Variants in EFCAB11 observed in about 807,000 individuals in gnomAD.
EFCAB11 encodes EF-hand calcium-binding domain-containing protein 11.
Under a neutral mutation model 23.0 loss-of-function variants are expected in EFCAB11, and 14 were observed. The ratio of observed to expected loss-of-function variants is 0.61; its 90% CI spans 0.40 to 0.95. The LOEUF (loss-of-function observed/expected upper bound fraction) is 0.95. Ranked by LOEUF, EFCAB11 falls within the 40% of genes least tolerant of loss-of-function variation. The pLI is 0.00. For synonymous variants in EFCAB11, 65 were observed against 66.6 expected (o/e 0.98, Z 0.11); for missense variants, 198 against 195.8 (o/e 1.01, Z -0.07).
At chr14:89,917,843 GC>G (rs1245931177) in intron 5 of EFCAB11, among the ~76,000 whole-genome samples, 4 of 152,236 alleles carry the variant, frequency 2.6e-5, no homozygotes, top group Non-Finnish European at 5.9e-5. Context: ...GGATAGAAAT[GC>G]CGTTGATGTG....
At chr14:89,945,173 G>A (rs1890936150) in intron 3 of EFCAB11, among the ~76,000 whole-genome samples, 1 of 151,726 alleles carries the variant, frequency 6.6e-6, no homozygotes, top group African/African-American at 2.4e-5. Flanking sequence ...AACAAAATCA[G>A]CTTTTAATTT....
intron 5 of EFCAB11, among the ~76,000 whole-genome samples, chr14:89,822,601 G>A (rs1034353858): frequency 7.9e-5 from 12 of 152,130 alleles, no homozygotes; most frequent in African/African-American, 7.2e-5. Context: ...AATTGGCCTC[G>A]GTGTCATTTG....
chr14:89,947,488 A>C (rs1048172395), intron 3 of EFCAB11, among the ~76,000 whole-genome samples: 1 of 152,134 alleles, frequency 6.6e-6, no homozygotes, highest in Non-Finnish European at 1.5e-5. Context: ...CTTCATCATC[A>C]CTTTCCACTT....
chr14:89,932,787 C>T (rs1452348938), intron 3 of EFCAB11, among the ~76,000 whole-genome samples, 160 bp from the exon 4 acceptor site: 1 of 151,978 alleles, frequency 6.6e-6, no homozygotes, highest in East Asian at 1.9e-4. Context: ...TCCTGAAGAC[C>T]GAAAAAGGCA....
At chr14:89,865,932 T>G (rs1223276600) in intron 5 of EFCAB11, among the ~76,000 whole-genome samples, 1 of 151,920 alleles carries the variant, frequency 6.6e-6, no homozygotes, top group Non-Finnish European at 1.5e-5. Flanking sequence ...CCTCCCAAAG[T>G]GTTGGGATTA....
In EFCAB11 at chr14:89,931,580, G is replaced by T; in HGVS notation, c.371C>A (p.Ala124Asp). The change falls in exon 5 of 6, where the codon GCT becomes GAT. Residue 124 changes from alanine (A) to aspartate (D), a missense_variant. Transcript: ENST00000316738. ...EDFKKAFRQVAPKLPERTVLE... is the reference protein window; with the variant it reads ...EDFKKAFRQVDPKLPERTVLE... Reference sequence around the variant, plus strand: ...AACAGTCCTTTCCGGTAATTTGGGAGCCACCTGCCTAAATGCTTTTTTGAA... The same window carrying T: ...AACAGTCCTTTCCGGTAATTTGGGATCCACCTGCCTAAATGCTTTTTTGAA... The T allele has an allele frequency of 6.2e-7, 1 of 1,614,146 alleles. No individual in the cohort carries two copies. Among genetic ancestry groups the T allele is most frequent in the Non-Finnish European group, 8.5e-7 (1 of 1,180,010 alleles).
chr14:89,892,149 A>G (rs1252022086), intron 5 of EFCAB11: 1 of 1,563,476 alleles, frequency 6.4e-7, no homozygotes, highest in Non-Finnish European at 8.7e-7. Context: ...GGCCCGGACA[A>G]GGTCATCTTC....
intron 5 of EFCAB11, among the ~76,000 whole-genome samples, chr14:89,896,011 A>G (rs59400628): frequency 0.12 from 18,988 of 152,236 alleles, 1,382 homozygotes; most frequent in South Asian, 0.24. Flanking sequence ...TGAAGAGATA[A>G]GAGAGAGAAC....
intron 5 of EFCAB11, among the ~76,000 whole-genome samples, chr14:89,885,141 C>T (rs551524529): frequency 4.3e-4 from 65 of 152,208 alleles, no homozygotes; most frequent in African/African-American, 1.5e-3. Flanking sequence ...AATTGTATAT[C>T]TAAATAAGTA....
At chr14:89,866,914 G>A (rs994448042) in intron 5 of EFCAB11, among the ~76,000 whole-genome samples, 4 of 152,144 alleles carry the variant, frequency 2.6e-5, no homozygotes, top group Non-Finnish European at 4.4e-5. Flanking sequence ...GGGATTACAG[G>A]TGCCTGCCAC....
chr14:89,814,440 C>T (rs1886259051), intron 5 of EFCAB11, among the ~76,000 whole-genome samples: 1 of 152,174 alleles, frequency 6.6e-6, no homozygotes, highest in East Asian at 1.9e-4. Context: ...AGCAGTGGCT[C>T]ATGCCTGTAA....
At chr14:89,826,175 T>C (rs994278058) in intron 5 of EFCAB11, among the ~76,000 whole-genome samples, 38 of 152,160 alleles carry the variant, frequency 2.5e-4, no homozygotes, top group African/African-American at 9.2e-4. Flanking sequence ...GTTATAATTA[T>C]GAAATGTATC....
intron 5 of EFCAB11, among the ~76,000 whole-genome samples, chr14:89,918,216 A>G (rs531231168): frequency 6.6e-6 from 1 of 152,292 alleles, no homozygotes; most frequent in South Asian, 2.1e-4. Context: ...ATTAGGAAAA[A>G]AAGAAGAGAC....
chr14:89,885,302 C>T lies in EFCAB11; in HGVS notation c.410+46239G>A, dbSNP rs1202005934. On this transcript the variant is annotated intron_variant, in intron 5 of 5. Transcript: ENST00000316738. ...TAAAAACAAAAGGATATACTTTATT[C>T]ATGCACTGGAAGACTTAAAACATTT... 2.6e-5 allele frequency among the ~76,000 whole-genome samples: 4 copies of T among 152,114 alleles called. 1 individual carries two copies. The highest frequency in any genetic ancestry group is 1.9e-4 in the East Asian group (1 of 5,188).
chr14:89,912,650 C>T (rs1444331428), intron 5 of EFCAB11, among the ~76,000 whole-genome samples: 5 of 151,218 alleles, frequency 3.3e-5, no homozygotes, highest in Non-Finnish European at 7.4e-5. Flanking sequence ...TAAATTCTCC[C>T]TGTTTTTGTC....
At chr14:89,886,300 G>A (rs1334511039) in intron 5 of EFCAB11, among the ~76,000 whole-genome samples, 4 of 151,880 alleles carry the variant, frequency 2.6e-5, no homozygotes, top group African/African-American at 7.3e-5. Flanking sequence ...GGTGGATCAC[G>A]AGGTCAGGAG....
At chr14:89,932,215 C>T (rs200586833) in intron 4 of EFCAB11, among the ~76,000 whole-genome samples, 9 of 152,112 alleles carry the variant, frequency 5.9e-5, no homozygotes, top group East Asian at 5.8e-4. Flanking sequence ...AGAAGCCACA[C>T]GGTCTCCCAC....
intron 3 of EFCAB11, among the ~76,000 whole-genome samples, chr14:89,948,003 C>T (rs1329904946): frequency 1.3e-5 from 2 of 151,700 alleles, no homozygotes; most frequent in South Asian, 2.1e-4. Flanking sequence ...TCCCACCCCA[C>T]CGCCCCACCC....
intron 5 of EFCAB11, among the ~76,000 whole-genome samples, chr14:89,832,262 G>A (rs1187060178): frequency 2.6e-5 from 4 of 152,086 alleles, no homozygotes; most frequent in African/African-American, 9.7e-5. Flanking sequence ...GCAGTGAGCC[G>A]AGACTGCACC....
Sources: allele counts gnomAD v4.1 joint callset (sites outside exome capture counted in the v4.1 genomes callset), GRCh38; gene constraint gnomAD v4.1.1; transcripts MANE v1.5; gene names NCBI Gene and HGNC (gene_info 2026-07-23, HGNC 2026-07-21).